The following KANK1 variants were observed in gnomAD, a reference collection of about 807,000 sequenced individuals.
KANK1 encodes KN motif and ankyrin repeat domains 1, also known as KN motif and ankyrin repeat domain-containing protein 1.
Under a neutral mutation model 106.2 loss-of-function variants are expected in KANK1, and 109 were observed. The ratio of observed to expected loss-of-function variants is 1.03; its 90% CI spans 0.88 to 1.20. The LOEUF (loss-of-function observed/expected upper bound fraction) is 1.20, where lower values mean the gene tolerates loss of function less well. KANK1 is among the 50% of genes most tolerant of loss of function. The probability of loss-of-function intolerance (pLI) is 0.00; values close to 1 mark genes in which losing one functional copy is unlikely to be tolerated. For missense variants in KANK1, 2,399 were observed against 1,710.7 expected (o/e 1.40, Z -7.10); for synonymous variants, 873 against 652.2 (o/e 1.34, Z -5.16).
At chr9:676,836 G>C (rs951481186) in intron 1 of KANK1, 54 bp from the exon 2 acceptor site, 1 of 634,582 alleles carries the variant, frequency 1.6e-6, no homozygotes, top group African/African-American at 3.1e-5. Context: ...CTAAGATTTA[G>C]TTTGTACATT....
At chr9:611,960 C>T (rs1391027773) in intron 1 of KANK1, among the ~76,000 whole-genome samples, 4 of 152,126 alleles carry the variant, frequency 2.6e-5, no homozygotes, top group African/African-American at 4.8e-5. Context: ...CCTTGTGATC[C>T]GCCAGTCTCG....
chr9:727,898 C>A (rs1331432304), intron 3 of KANK1, among the ~76,000 whole-genome samples: 2 of 152,138 alleles, frequency 1.3e-5, no homozygotes, highest in Non-Finnish European at 2.9e-5. Context: ...GAATAGATCC[C>A]TCCTGTCAGC....
At chr9:576,401 A>C (rs906547480) in intron 1 of KANK1, among the ~76,000 whole-genome samples, 6 of 152,232 alleles carry the variant, frequency 3.9e-5, no homozygotes, top group Non-Finnish European at 8.8e-5. Context: ...ATAGGTAAGA[A>C]AGCAGAAGAG....
intron 1 of KANK1, among the ~76,000 whole-genome samples, chr9:659,197 C>G (rs575767976): frequency 6.6e-6 from 1 of 152,294 alleles, no homozygotes; most frequent in East Asian, 1.9e-4. Flanking sequence ...ATGAGTGAAA[C>G]AAAGTTAGGC....
intron 1 of KANK1, among the ~76,000 whole-genome samples, chr9:652,931 G>C (rs147568941): frequency 2.6e-5 from 4 of 152,324 alleles, no homozygotes; most frequent in Non-Finnish European, 5.9e-5. Flanking sequence ...GGAGAACACA[G>C]AGCCCAGGTG....
At chr9:648,380 A>G (rs1840176721) in intron 1 of KANK1, among the ~76,000 whole-genome samples, 1 of 152,104 alleles carries the variant, frequency 6.6e-6, no homozygotes, top group Non-Finnish European at 1.5e-5. Context: ...TCATCTCAAC[A>G]TATTTAAAAA....
In KANK1 at chr9:635,733, C is replaced by T. The variant is rs1043602914; in HGVS notation, c.-83-41157C>T. Among the ~76,000 whole-genome samples, 7 of 110,518 alleles carry T rather than the reference C, an allele frequency of 6.3e-5. No homozygotes were observed. The Admixed American group carries it at 7.8e-4, about 12-fold the overall frequency. The allele number at this position is 110,518 out of a possible 152,430, so 72.5% of individuals were successfully genotyped here. A position where few individuals can be genotyped will look rare whatever the true frequency, so the allele number is the denominator to read the frequency against. ...TTTTTTTTTGAGACGGAGTCTTACT[C>T]TGTTGCCCAGGCTGGAGTGCAGTGG... On this transcript the variant is annotated intron_variant, in intron 1 of 11. Transcript: ENST00000382297.
intron 6 of KANK1, chr9:733,915 G>C (rs7853259): frequency 0.29 from 43,740 of 151,902 alleles, 7,135 homozygotes; most frequent in Non-Finnish European, 0.38. Flanking sequence ...CCAAGAGTTC[G>C]AGACCAGCCT....
At chr9:569,519 C>T (rs1818647048) in intron 1 of KANK1, among the ~76,000 whole-genome samples, 1 of 152,158 alleles carries the variant, frequency 6.6e-6, no homozygotes, top group African/African-American at 2.4e-5. Context: ...GTCAAGTCCC[C>T]ACCAGCAAGA....
At chr9:660,715 C>G (rs1412388690) in intron 1 of KANK1, among the ~76,000 whole-genome samples, 1 of 152,140 alleles carries the variant, frequency 6.6e-6, no homozygotes. Flanking sequence ...CTCGGTGAAT[C>G]TAAGAGGAGA....
chr9:628,899 C>T (rs1021260322), intron 1 of KANK1, among the ~76,000 whole-genome samples: 3 of 151,286 alleles, frequency 2.0e-5, no homozygotes, highest in African/African-American at 4.9e-5. Context: ...GCCAACATGG[C>T]GAAACCCCAT....
intron 3 of KANK1, among the ~76,000 whole-genome samples, chr9:728,321 C>A (rs1183913113): frequency 6.6e-6 from 1 of 152,150 alleles, no homozygotes; most frequent in Non-Finnish European, 1.5e-5. Context: ...CCTCAGCCTC[C>A]CAAGTAGCTG....
At chr9:599,284 C>G (rs1018417020) in intron 1 of KANK1, among the ~76,000 whole-genome samples, 2 of 151,390 alleles carry the variant, frequency 1.3e-5, no homozygotes, top group African/African-American at 4.9e-5. Flanking sequence ...TCCCAAAGTG[C>G]TGGGATTATA....
rs369291274 is a variant in KANK1, at chr9:498,298, C to A, written c.-362+25025C>A. 5.3e-5 allele frequency among the ~76,000 whole-genome samples: 8 copies of A among 152,274 alleles called. No individual in the cohort carries two copies. In the South Asian group the frequency reaches 1.5e-3, roughly 28 times the overall value. ...ACAGAAATGGGCTGATGGGGTGAAACTCGGAACCAGGGCAGATGCTCTTTA... is the reference window on the plus strand; with the variant it reads ...ACAGAAATGGGCTGATGGGGTGAAAATCGGAACCAGGGCAGATGCTCTTTA... On this transcript the variant is annotated intron_variant, in intron 3 of 15. Coordinates refer to the KANK1 transcript ENST00000382303.
At chr9:521,787 C>G (rs371444261) in intron 1 of KANK1, among the ~76,000 whole-genome samples, 1 of 151,334 alleles carries the variant, frequency 6.6e-6, no homozygotes, top group Non-Finnish European at 1.5e-5. Context: ...AGGCTGGTCT[C>G]GAACTCCTGA....
At chr9:636,815 C>G (rs138286097) in intron 1 of KANK1, among the ~76,000 whole-genome samples, 1 of 152,128 alleles carries the variant, frequency 6.6e-6, no homozygotes, top group East Asian at 1.9e-4. Flanking sequence ...TGCAGTGAGC[C>G]GAGATTGCCA....
chr9:636,779 A>G (rs1045415313), intron 1 of KANK1, among the ~76,000 whole-genome samples: 4 of 152,218 alleles, frequency 2.6e-5, no homozygotes, highest in African/African-American at 9.7e-5. Flanking sequence ...AGGCAGGAGA[A>G]TCGCATGAAC....
intron 1 of KANK1, among the ~76,000 whole-genome samples, chr9:634,601 C>G (rs1042685077): frequency 6.6e-6 from 1 of 152,132 alleles, no homozygotes; most frequent in African/African-American, 2.4e-5. Flanking sequence ...CTTTATTAGT[C>G]TTACAAAGGC....
chr9:560,906 A>G (rs149147545), intron 1 of KANK1, among the ~76,000 whole-genome samples: 180 of 152,354 alleles, frequency 1.2e-3, no homozygotes, highest in African/African-American at 4.3e-3. Flanking sequence ...GACCTGGATC[A>G]GTAGCAGCTC....
Sources: gnomAD v4.1 joint callset for allele counts (sites outside exome capture counted in the v4.1 genomes callset) on GRCh38, gnomAD v4.1.1 for gene constraint, MANE v1.5 for transcripts, NCBI Gene and HGNC (gene_info 2026-07-23, HGNC 2026-07-21) for gene names.